Variants in B4GALNT2 observed in about 807,000 individuals in gnomAD.
The protein encoded by B4GALNT2 is beta-1,4-N-acetyl-galactosaminyltransferase 2 (SID blood group), also known as N-acetylneuraminylgalactosylglucosyl-glucoside beta-1,4-N- acetylgalactosaminyltransferase 2.
Under a neutral mutation model 51.1 loss-of-function variants are expected in B4GALNT2, and 42 were observed. That is an observed-to-expected ratio of 0.82 (90% CI 0.64 to 1.06). The LOEUF (loss-of-function observed/expected upper bound fraction) is 1.06. B4GALNT2 is among the 50% of genes least tolerant of loss of function. The probability of loss-of-function intolerance (pLI) is 0.00; values close to 1 mark genes in which losing one functional copy is unlikely to be tolerated. For synonymous variants in B4GALNT2, 253 were observed against 251.7 expected (o/e 1.01, Z -0.05); for missense variants, 602 against 633.6 (o/e 0.95, Z 0.54).
chr17:49,150,931 TAATAAAAAATAAA>T (rs1377287999), intron 3 of B4GALNT2, among the ~76,000 whole-genome samples: 1 of 152,060 alleles, frequency 6.6e-6, no homozygotes, highest in African/African-American at 2.4e-5. Flanking sequence ...AAAAAAATAA[TAATAAAAAATAAA>T]AATTTTGCCT....
Position 49,175,491 on chromosome 17 carries a change from A to C in B4GALNT2, c.*5763A>C, listed in dbSNP as rs2042981569. The C allele has an allele frequency of 6.6e-6, 1 of 152,192 alleles. No individual in the cohort carries two copies. Among genetic ancestry groups the C allele is most frequent in the Non-Finnish European group, 1.5e-5 (1 of 68,034 alleles). The allele number at this position is 152,192 out of a possible 1,614,324, so 9.4% of individuals were successfully genotyped here. A position where few individuals can be genotyped will look rare whatever the true frequency, so the allele number is the denominator to read the frequency against. On this transcript the variant is annotated 3_prime_UTR_variant, in exon 11 of 11. Transcript: ENST00000393354. ...TTTTAAATTTAAACTAGATCTACCTAGAAGTAATCCTATCATCCCCCCGGC... is the reference window on the plus strand; with the variant it reads ...TTTTAAATTTAAACTAGATCTACCTCGAAGTAATCCTATCATCCCCCCGGC...
At chr17:49,120,974 T>C in the B4GALNT2 span, among the ~76,000 whole-genome samples, 1 of 152,188 alleles carries the variant, frequency 6.6e-6, no homozygotes, top group Non-Finnish European at 1.5e-5. Context: ...TGACACCACT[T>C]GCTTTTTCCT....
chr17:49,132,755 C>G, upstream of B4GALNT2: 1 of 1,390,800 alleles, frequency 7.2e-7, no homozygotes, highest in Non-Finnish European at 9.3e-7. Flanking sequence ...CTGCTAGGCT[C>G]CGTGACATCC....
At chr17:49,146,461 C>T (rs537102369) in intron 3 of B4GALNT2, among the ~76,000 whole-genome samples, 6 of 152,270 alleles carry the variant, frequency 3.9e-5, no homozygotes, top group Non-Finnish European at 7.4e-5. Context: ...AAGGTGCACG[C>T]CACCACTCCC....
intron 5 of B4GALNT2, 149 bp from the exon 6 acceptor site, chr17:49,158,888 C>A (rs913626370): frequency 4.7e-6 from 4 of 856,216 alleles, no homozygotes; most frequent in Non-Finnish European, 7.0e-6. Context: ...CCCTGCAGAG[C>A]CAGCCCTACA....
intron 6 of B4GALNT2, 52 bp downstream of exon 6, chr17:49,159,269 C>T: frequency 6.5e-7 from 1 of 1,544,808 alleles, no homozygotes; most frequent in Non-Finnish European, 8.9e-7. Context: ...GAAGATACCT[C>T]TGGGCCCTTT....
At chr17:49,155,802 C>T (rs2042804273) in intron 4 of B4GALNT2, among the ~76,000 whole-genome samples, 1 of 151,538 alleles carries the variant, frequency 6.6e-6, no homozygotes, top group Non-Finnish European at 1.5e-5. Context: ...CGGCTCACTG[C>T]AAGCTCCGCC....
At position 49,162,954 on chromosome 17, in the gene B4GALNT2, G is replaced by A. The variant is rs536316849; in HGVS notation, c.767-1134G>A. 2.1e-5 allele frequency among the ~76,000 whole-genome samples: 3 copies of A among 146,222 alleles called. No individual in the cohort carries two copies. In the East Asian group the frequency reaches 6.1e-4, roughly 30 times the overall value. ...AAAAAAAGGGCAAGAGGGTGGCACAGGGGGAGGGTTCTGGAACAACTTCTG... is the reference window on the plus strand; with the variant it reads ...AAAAAAAGGGCAAGAGGGTGGCACAAGGGGAGGGTTCTGGAACAACTTCTG... On this transcript the variant is annotated intron_variant, in intron 7 of 10. Coordinates refer to ENST00000393354, the MANE Select transcript of B4GALNT2 (RefSeq NM_001159387.2).
Position 49,171,140 on chromosome 17 carries a change from G to A in B4GALNT2, c.*1412G>A, listed in dbSNP as rs371683559. ...GGCCAGTTTATGGCCAGATTTGGGG[G>A]CCTGTTCCCAACACGTTCCCCTTTT... On this transcript the variant is annotated 3_prime_UTR_variant, in exon 11 of 11. Coordinates refer to ENST00000393354, the MANE Select transcript of B4GALNT2 (RefSeq NM_001159387.2). 6.4e-5 allele frequency: 14 copies of A among 220,084 alleles called. No homozygotes were observed. Among genetic ancestry groups the A allele is most frequent in the East Asian group, 6.3e-4 (4 of 6,322 alleles). The allele number at this position is 220,084 out of a possible 1,614,324, so 13.6% of individuals were successfully genotyped here. A position where few individuals can be genotyped will look rare whatever the true frequency, so the allele number is the denominator to read the frequency against.
At chr17:49,160,415 C>G in intron 6 of B4GALNT2, 140 bp from the exon 7 acceptor site, 2 of 791,902 alleles carry the variant, frequency 2.5e-6, no homozygotes, top group East Asian at 2.4e-5. Context: ...GCCAGAGACT[C>G]TATGGGGTCC....
rs533739269 is a variant in B4GALNT2 at position 49,133,058 on chromosome 17, C to T, written c.14+252C>T. On this transcript the variant is annotated intron_variant, in intron 1 of 10. Transcript: ENST00000393354. The stretch of plus-strand genomic sequence containing the variant: ...GCGCTGGCTTTTCCGTGGGAAAATT[C>T]CACGTGGAAGTGGCCTCTCGCGGCC... 3 of 1,501,146 alleles carry T rather than the reference C, an allele frequency of 2.0e-6. No homozygotes were observed. In the South Asian group the frequency reaches 4.0e-5, roughly 20 times the overall value. 93.0% of individuals were successfully genotyped at this position (1,501,146 alleles called of 1,614,324 possible).
chr17:49,134,299 T>C (rs964617819), intron 1 of B4GALNT2, among the ~76,000 whole-genome samples: 1 of 152,262 alleles, frequency 6.6e-6, no homozygotes, highest in African/African-American at 2.4e-5. Flanking sequence ...ACACATACCA[T>C]AGTGATAAGA....
intron 3 of B4GALNT2, among the ~76,000 whole-genome samples, chr17:49,142,911 G>C (rs1353138534): frequency 6.6e-6 from 1 of 152,052 alleles, no homozygotes; most frequent in African/African-American, 2.4e-5. Context: ...AAATTACAAG[G>C]GGTGTCAACA....
At chr17:49,148,297 C>T (rs1472160294) in intron 3 of B4GALNT2, 1 of 337,238 alleles carries the variant, frequency 3.0e-6, no homozygotes, top group African/African-American at 2.2e-5. Context: ...GAGATCCTGT[C>T]TCGAAAAAAA....
the B4GALNT2 span, among the ~76,000 whole-genome samples, chr17:49,124,784 G>T: frequency 6.6e-6 from 1 of 152,036 alleles, no homozygotes; most frequent in Non-Finnish European, 1.5e-5. Context: ...TTTAAAAATA[G>T]TCTATAGACC....
rs1431362215 is a variant in B4GALNT2 at position 49,170,066 on chromosome 17, TG to T, written c.*339del. 4.8e-6 allele frequency: 1 copy of T among 207,530 alleles called. No individual in the cohort carries two copies. Among genetic ancestry groups the T allele is most frequent in the African/African-American group, 2.3e-5 (1 of 43,550 alleles). 12.9% of individuals were successfully genotyped at this position (207,530 alleles called of 1,614,324 possible). ...TGGTGTCCTCAGTCAAAAGAACAGCTGCCTGGTCCTTGATAGTTGTTTGGTG... is the reference window on the plus strand; with the variant it reads ...TGGTGTCCTCAGTCAAAAGAACAGCTCCTGGTCCTTGATAGTTGTTTGGTG... On this transcript the variant is annotated 3_prime_UTR_variant, in exon 11 of 11. Coordinates refer to ENST00000393354, the MANE Select transcript of B4GALNT2 (RefSeq NM_001159387.2).
chr17:49,167,183 A>G (rs1238769037), intron 9 of B4GALNT2, among the ~76,000 whole-genome samples: 2 of 152,198 alleles, frequency 1.3e-5, no homozygotes, highest in Non-Finnish European at 2.9e-5. Context: ...TCATGTAACA[A>G]CCACACTGGC....
At chr17:49,142,799 C>G (rs572923074) in intron 3 of B4GALNT2, among the ~76,000 whole-genome samples, 1 of 152,280 alleles carries the variant, frequency 6.6e-6, no homozygotes, top group East Asian at 1.9e-4. Context: ...GCCATCATAG[C>G]AGGTGATTTT....
chr17:49,131,213 C>T (rs546864204), upstream of B4GALNT2, among the ~76,000 whole-genome samples: 4 of 152,116 alleles, frequency 2.6e-5, no homozygotes, highest in African/African-American at 4.8e-5. Context: ...TCTTTTTTTA[C>T]CCCCCTACAT....
Sources: allele counts gnomAD v4.1 joint callset (sites outside exome capture counted in the v4.1 genomes callset), GRCh38; gene constraint gnomAD v4.1.1; transcripts MANE v1.5; gene names NCBI Gene and HGNC (gene_info 2026-07-23, HGNC 2026-07-21).